NSL1: variants seen among roughly 807,000 people sequenced by gnomAD.
NSL1 encodes NSL1 component of MIS12 kinetochore complex.
Under a neutral mutation model 25.4 loss-of-function variants are expected in NSL1, and 11 were observed. That is an observed-to-expected ratio of 0.43 (90% CI 0.27 to 0.72). The LOEUF (loss-of-function observed/expected upper bound fraction) is 0.72. Among genes scored for constraint, NSL1 ranks in the 30% least tolerant of loss-of-function variants. NSL1 has a pLI of 0.19. For missense variants in NSL1, 330 were observed against 342.7 expected (o/e 0.96, Z 0.29); for synonymous variants, 118 against 120.6 (o/e 0.98, Z 0.14).
In NSL1 at chr1:212,736,903, C is replaced by A; in HGVS notation, c.*1505G>T. On this transcript the variant is annotated 3_prime_UTR_variant, in exon 6 of 6. Transcript: ENST00000366977. ...GGGAGGGACCATGTTCTTATATAATCAAAATGCAAGTAGCTTATATAATCT... is the reference window on the plus strand; with the variant it reads ...GGGAGGGACCATGTTCTTATATAATAAAAATGCAAGTAGCTTATATAATCT... 1.0e-6 allele frequency: 1 copy of A among 984,580 alleles called. No individual in the cohort carries two copies. Among genetic ancestry groups the A allele is most frequent in the Middle Eastern group, 5.2e-4 (1 of 1,912 alleles). The allele number at this position is 984,580 out of a possible 1,614,324, so 61.0% of individuals were successfully genotyped here. A position where few individuals can be genotyped will look rare whatever the true frequency, so the allele number is the denominator to read the frequency against.
intron 1 of NSL1, among the ~76,000 whole-genome samples, 189 bp downstream of exon 1, chr1:212,791,341 G>A (rs1267235361): frequency 6.6e-6 from 1 of 152,220 alleles, no homozygotes; most frequent in Non-Finnish European, 1.5e-5. Flanking sequence ...GCTGGTCTAA[G>A]TAATTAATAA....
rs1413492852 is a variant in NSL1, at chr1:212,735,340, G to T, written c.*3068C>A. The T allele has an allele frequency of 1.0e-6, 1 of 985,330 alleles. No individual in the cohort carries two copies. 61.0% of individuals were successfully genotyped at this position (985,330 alleles called of 1,614,324 possible). A position where few individuals can be genotyped will look rare whatever the true frequency, so the allele number is the denominator to read the frequency against. On this transcript the variant is annotated 3_prime_UTR_variant, in exon 6 of 6. Coordinates refer to ENST00000366977, the MANE Select transcript of NSL1 (RefSeq NM_015471.4). ...GGTGTCCAACTGTATGTGTTGAACA[G>T]ATGAATAAATGAATGAAGGTGGATA...
intron 4 of NSL1, among the ~76,000 whole-genome samples, chr1:212,741,123 A>G (rs1658482308): frequency 6.6e-6 from 1 of 152,190 alleles, no homozygotes; most frequent in Admixed American, 6.5e-5. Flanking sequence ...TTGAAATAAC[A>G]TCATAATTTC....
rs1658247641 is a variant in NSL1 at position 212,736,759 on chromosome 1, A to C, written c.*1649T>G. On this transcript the variant is annotated 3_prime_UTR_variant, in exon 6 of 6. Transcript: ENST00000366977. Reference sequence around the variant, plus strand: ...AATATAGTCATTACACAGATTCAACATTAACAGGATTTTTGTCACATTTCC... The same window carrying C: ...AATATAGTCATTACACAGATTCAACCTTAACAGGATTTTTGTCACATTTCC... 1 of 984,596 alleles carries C rather than the reference A, an allele frequency of 1.0e-6. No homozygotes were observed. Among genetic ancestry groups the C allele is most frequent in the Admixed American group, 6.1e-5 (1 of 16,266 alleles). 61.0% of individuals were successfully genotyped at this position (984,596 alleles called of 1,614,324 possible).
intron 4 of NSL1, among the ~76,000 whole-genome samples, chr1:212,776,276 T>C (rs1407207191): frequency 6.6e-6 from 1 of 151,770 alleles, no homozygotes; most frequent in Non-Finnish European, 1.5e-5. Flanking sequence ...GGCAGGAGAA[T>C]CGCTTGAACC....
chr1:212,763,623 C>T (rs758168870), intron 4 of NSL1, among the ~76,000 whole-genome samples: 10 of 152,056 alleles, frequency 6.6e-5, no homozygotes, highest in Non-Finnish European at 1.2e-4. Context: ...CAAAAGCGAG[C>T]AGTAGTTATT....
At chr1:212,739,411 A>G (rs1558038827) in intron 5 of NSL1, 123 bp downstream of exon 5, 1 of 813,900 alleles carries the variant, frequency 1.2e-6, no homozygotes, top group Non-Finnish European at 1.9e-6. Flanking sequence ...TTCATTAAAG[A>G]TTTATTTAAA....
At chr1:212,752,803 T>G (rs1167373232) in intron 4 of NSL1, among the ~76,000 whole-genome samples, 1 of 151,486 alleles carries the variant, frequency 6.6e-6, no homozygotes, top group Non-Finnish European at 1.5e-5. Context: ...GATTGAGTAA[T>G]CAACCTAGTT....
chr1:212,788,794 G>A (rs1431381795), intron 1 of NSL1, among the ~76,000 whole-genome samples: 5 of 152,218 alleles, frequency 3.3e-5, no homozygotes, highest in Admixed American at 2.0e-4. Flanking sequence ...TTCATACCAC[G>A]CAGTACCTAA....
intron 4 of NSL1, among the ~76,000 whole-genome samples, chr1:212,743,167 T>C (rs1332356351): frequency 6.6e-6 from 1 of 152,052 alleles, no homozygotes; most frequent in African/African-American, 2.4e-5. Context: ...TACTTTGGTT[T>C]TTTTTTCTTT....
chr1:212,739,781 G>C (rs549850340), intron 4 of NSL1, among the ~76,000 whole-genome samples, 180 bp from the exon 5 acceptor site: 59 of 152,268 alleles, frequency 3.9e-4, no homozygotes, highest in African/African-American at 1.4e-3. Flanking sequence ...AAAACTAAAA[G>C]TTATAAGCAT....
chr1:212,782,037 G>GTA, intron 4 of NSL1: 1 of 564,010 alleles, frequency 1.8e-6, no homozygotes, highest in Non-Finnish European at 3.5e-6. Flanking sequence ...TGCTTTAATA[G>GTA]TATAGCTTTG....
At position 212,738,635 on chromosome 1, in the gene NSL1, T is replaced by G; in HGVS notation, c.619A>C (p.Met207Leu). 1 of 1,614,168 alleles carries G rather than the reference T, an allele frequency of 6.2e-7. No individual in the cohort carries two copies. Among genetic ancestry groups the G allele is most frequent in the Non-Finnish European group, 8.5e-7 (1 of 1,179,998 alleles). Reference sequence around the variant, plus strand: ...CTCTGGAGGTGGATAACAGGCTGCATCCTGAGAACTTGGGAAAATCCCTCT... The same window carrying G: ...CTCTGGAGGTGGATAACAGGCTGCAGCCTGAGAACTTGGGAAAATCCCTCT... Reference protein sequence around the residue: ...QGEGFSQVLRMQPVIHLQRIH... With the variant: ...QGEGFSQVLRLQPVIHLQRIH... Residue 207 changes from methionine (M) to leucine (L), a missense_variant, in exon 6 of 6, where the codon ATG becomes CTG. By Grantham distance (15) the Met-to-Leu change is conservative. Transcript: ENST00000366977.
At position 212,727,542 on chromosome 1, in the gene NSL1, G is replaced by T; in HGVS notation, c.*10866C>A. 1.0e-6 allele frequency: 1 copy of T among 985,392 alleles called. No individual in the cohort carries two copies. Among genetic ancestry groups the T allele is most frequent in the South Asian group, 4.7e-5 (1 of 21,288 alleles). 61.0% of individuals were successfully genotyped at this position (985,392 alleles called of 1,614,324 possible). A position where few individuals can be genotyped will look rare whatever the true frequency, so the allele number is the denominator to read the frequency against. On this transcript the variant is annotated 3_prime_UTR_variant, in exon 6 of 6. Transcript: ENST00000366977. Reference sequence around the variant, plus strand: ...TATACCACTGGAGAGAAAGGACAATGAATTAGACGTGTGCCACATACTTCT... The same window carrying T: ...TATACCACTGGAGAGAAAGGACAATTAATTAGACGTGTGCCACATACTTCT...
intron 4 of NSL1, among the ~76,000 whole-genome samples, chr1:212,778,408 CCT>C (rs895202872): frequency 2.0e-5 from 3 of 152,204 alleles, no homozygotes; most frequent in South Asian, 2.1e-4. Flanking sequence ...TCTCCTCTCT[CCT>C]CTCTCTCCCC....
rs1658135074 is a variant in NSL1 at position 212,734,040 on chromosome 1, T to A, written c.*4368A>T. On this transcript the variant is annotated 3_prime_UTR_variant, in exon 6 of 6. Coordinates refer to ENST00000366977, the MANE Select transcript of NSL1 (RefSeq NM_015471.4). Reference sequence around the variant, plus strand: ...TTATCTCCCAGCCCTCCCACTGAATTTTTATTTCAACTTTCATATTTTTAA... The same window carrying A: ...TTATCTCCCAGCCCTCCCACTGAATATTTATTTCAACTTTCATATTTTTAA... Among the ~76,000 whole-genome samples the A allele has an allele frequency of 6.6e-6, 1 of 152,220 alleles. No homozygotes were observed. Among genetic ancestry groups the A allele is most frequent in the African/African-American group, 2.4e-5 (1 of 41,478 alleles).
chr1:212,791,131 A>G (rs893348723), intron 1 of NSL1, among the ~76,000 whole-genome samples: 19 of 152,166 alleles, frequency 1.2e-4, no homozygotes, highest in African/African-American at 4.3e-4. Context: ...TGTGCCGTAA[A>G]TGCAGCACAC....
rs1234400590 is a variant in NSL1 at position 212,730,221 on chromosome 1, G to A, written c.*8187C>T. On this transcript the variant is annotated 3_prime_UTR_variant, in exon 6 of 6. Transcript: ENST00000366977. Reference sequence around the variant, plus strand: ...GTTGAGATCGCTCCACTACACTCCAGCCTGGGTGACAGTCTCAAAAAAAAA... The same window carrying A: ...GTTGAGATCGCTCCACTACACTCCAACCTGGGTGACAGTCTCAAAAAAAAA... The A allele has an allele frequency of 3.2e-6, 3 of 938,594 alleles. No homozygotes were observed. Among genetic ancestry groups the A allele is most frequent in the Non-Finnish European group, 3.7e-6 (3 of 813,544 alleles). The allele number at this position is 938,594 out of a possible 1,614,324, so 58.1% of individuals were successfully genotyped here.
chr1:212,735,227 G>C lies in NSL1; in HGVS notation c.*3181C>G, dbSNP rs1658184668. 1 of 773,062 alleles carries C rather than the reference G, an allele frequency of 1.3e-6. No individual in the cohort carries two copies. The allele number at this position is 773,062 out of a possible 1,614,324, so 47.9% of individuals were successfully genotyped here. On this transcript the variant is annotated 3_prime_UTR_variant, in exon 6 of 6. Coordinates refer to ENST00000366977, the MANE Select transcript of NSL1 (RefSeq NM_015471.4). ...GTTAAGTAACTTGTCCAATATCATT[G>C]AACTAATAATGGTAGAACTGAAATC...
Sources: allele counts gnomAD v4.1 joint callset (sites outside exome capture counted in the v4.1 genomes callset), GRCh38; gene constraint gnomAD v4.1.1; transcripts MANE v1.5; gene names NCBI Gene and HGNC (gene_info 2026-07-23, HGNC 2026-07-21).